The following OMA1 variants were observed in gnomAD, a reference collection of about 807,000 sequenced individuals.
OMA1 encodes the protein OMA1 zinc metallopeptidase, also known as metalloendopeptidase OMA1, mitochondrial.
A neutral mutation model predicts 30.9 loss-of-function variants in OMA1; 38 were observed. The observed-to-expected ratio is 1.23, with a 90% CI of 0.95 to 1.61. The LOEUF (loss-of-function observed/expected upper bound fraction) is 1.61, where lower values mean the gene tolerates loss of function less well. Ranked by LOEUF, OMA1 falls within the 40% of genes most tolerant of loss-of-function variation. OMA1 has a pLI of 0.00. For synonymous variants in OMA1, 173 were observed against 121.9 expected (o/e 1.42, Z -2.76); for missense variants, 461 against 349.2 (o/e 1.32, Z -2.55).
At chr1:58,522,082 C>CA (rs1367843032) in intron 7 of OMA1, among the ~76,000 whole-genome samples, 5 of 152,046 alleles carry the variant, frequency 3.3e-5, no homozygotes, top group African/African-American at 1.2e-4. Context: ...CCCAAAAATG[C>CA]AACTTAACTT....
chr1:58,532,644 C>G (rs901564819), intron 5 of OMA1, among the ~76,000 whole-genome samples: 2 of 152,170 alleles, frequency 1.3e-5, no homozygotes, highest in African/African-American at 4.8e-5. Flanking sequence ...CCTCCTGCCT[C>G]AGGCTCCAGA....
At chr1:58,493,288 T>G (rs553570607) in intron 8 of OMA1, among the ~76,000 whole-genome samples, 199 of 152,338 alleles carry the variant, frequency 1.3e-3, no homozygotes, top group Non-Finnish European at 2.3e-3. Context: ...GAGCTATTTA[T>G]GACAAACTCA....
At chr1:58,518,234 AG>A in intron 7 of OMA1, among the ~76,000 whole-genome samples, 1 of 4,692 alleles carries the variant, frequency 2.1e-4, no homozygotes, top group Non-Finnish European at 5.4e-4. Flanking sequence ...GGGAGAGGGG[AG>A]AGGGGAGAGG....
At position 58,541,326 on chromosome 1, in the gene OMA1, A is replaced by G. The variant is rs1425841898; in HGVS notation, c.-16-2016T>C. Among the ~76,000 whole-genome samples the G allele has an allele frequency of 5.9e-4, 79 of 133,356 alleles. No individual in the cohort carries two copies. In the East Asian group the frequency reaches 0.014, roughly 24 times the overall value. 87.5% of individuals were successfully genotyped at this position (133,356 alleles called of 152,430 possible). A position where few individuals can be genotyped will look rare whatever the true frequency, so the allele number is the denominator to read the frequency against. On this transcript the variant is annotated intron_variant, in intron 1 of 8. Coordinates refer to ENST00000371226, the MANE Select transcript of OMA1 (RefSeq NM_145243.5). ...AAAAAAAAAAAAAAAAAAAAAAAAAAAAAAAAACAGGAAAAACACAAGAAA... is the reference window on the plus strand; with the variant it reads ...AAAAAAAAAAAAAAAAAAAAAAAAAGAAAAAAACAGGAAAAACACAAGAAA...
At chr1:58,541,293 C>CAAAAAAAAAAA (rs71043292) in intron 1 of OMA1, among the ~76,000 whole-genome samples, 8 of 27,572 alleles carry the variant, frequency 2.9e-4, no homozygotes, top group East Asian at 3.8e-3. Flanking sequence ...GACTCTGTCT[C>CAAAAAAAAAAA]AAAAAAAAAA....
At chr1:58,524,389 A>G (rs1428348792) in intron 7 of OMA1, among the ~76,000 whole-genome samples, 1 of 152,238 alleles carries the variant, frequency 6.6e-6, no homozygotes, top group Non-Finnish European at 1.5e-5. Flanking sequence ...CTTCGCTGGC[A>G]TTAAATTCTC....
In OMA1 at chr1:58,480,844, T is replaced by C. The variant is rs1569858395; in HGVS notation, c.*121A>G. 3.1e-6 allele frequency: 2 copies of C among 638,212 alleles called. No individual in the cohort carries two copies. The highest frequency in any genetic ancestry group is 5.3e-6 in the Non-Finnish European group (2 of 379,660). The allele number at this position is 638,212 out of a possible 1,614,324, so 39.5% of individuals were successfully genotyped here. ...AAGAATTTAGATAATATCTGTAATG[T>C]ACATGATTTGACCCTGAATATCCTT... On this transcript the variant is annotated 3_prime_UTR_variant, in exon 9 of 9. Transcript: ENST00000371226.
intron 8 of OMA1, among the ~76,000 whole-genome samples, chr1:58,499,970 A>G (rs548379940): frequency 1.3e-5 from 2 of 152,284 alleles, no homozygotes; most frequent in East Asian, 1.9e-4. Flanking sequence ...AAAAGAAGAA[A>G]AAAATGGACA....
At chr1:58,526,049 A>T (rs927946710) in intron 7 of OMA1, among the ~76,000 whole-genome samples, 2 of 152,156 alleles carry the variant, frequency 1.3e-5, no homozygotes, top group African/African-American at 4.8e-5. Flanking sequence ...TTTTAAAAAT[A>T]GTAAAGTTTA....
At chr1:58,539,424 A>C in intron 1 of OMA1, 114 bp from the exon 2 acceptor site, 1 of 623,080 alleles carries the variant, frequency 1.6e-6, no homozygotes, top group Non-Finnish European at 2.8e-6. Context: ...TCTCAGGCTA[A>C]ATTACCTTGG....
chr1:58,513,847 A>G (rs1272316988), intron 7 of OMA1, among the ~76,000 whole-genome samples: 1 of 152,216 alleles, frequency 6.6e-6, no homozygotes, highest in Non-Finnish European at 1.5e-5. Context: ...GAAGAAACCA[A>G]GATCCATGGT....
chr1:58,511,561 C>G (rs1000552135), intron 7 of OMA1, among the ~76,000 whole-genome samples: 6 of 151,872 alleles, frequency 4.0e-5, no homozygotes, highest in Non-Finnish European at 5.9e-5. Context: ...CCTGGGAAGT[C>G]GAGGCTAGAG....
intron 8 of OMA1, among the ~76,000 whole-genome samples, chr1:58,505,470 AGAG>A (rs1645973318): frequency 6.6e-6 from 1 of 152,178 alleles, no homozygotes; most frequent in Admixed American, 6.5e-5. Context: ...AAAGATTTTC[AGAG>A]GATACTGAAA....
chr1:58,483,663 C>T (rs1413532474), intron 8 of OMA1, among the ~76,000 whole-genome samples: 2 of 152,122 alleles, frequency 1.3e-5, no homozygotes, highest in Non-Finnish European at 2.9e-5. Context: ...GCACTTACAG[C>T]ACTTAAGTAA....
chr1:58,507,941 A>T (rs1286291414), intron 7 of OMA1, among the ~76,000 whole-genome samples: 1 of 152,208 alleles, frequency 6.6e-6, no homozygotes, highest in African/African-American at 2.4e-5. Flanking sequence ...AATGGACTAC[A>T]AATTCACGAA....
chr1:58,511,776 G>C (rs1646081051), intron 7 of OMA1, among the ~76,000 whole-genome samples: 1 of 151,952 alleles, frequency 6.6e-6, no homozygotes, highest in African/African-American at 2.4e-5. Flanking sequence ...AACTAAAAAT[G>C]GATTAAAGAT....
At chr1:58,543,879 A>C (rs1363913788) in intron 1 of OMA1, among the ~76,000 whole-genome samples, 1 of 152,218 alleles carries the variant, frequency 6.6e-6, no homozygotes, top group African/African-American at 2.4e-5. Context: ...CTGTCCAATA[A>C]GGTAGCCCCT....
In OMA1 at chr1:58,536,613, T is replaced by C. The variant is rs1191119806; in HGVS notation, c.629A>G (p.Tyr210Cys). ...SSFGLLFVVF[Y>C]FTHLEVSPIT... ...TGGACTTACTTCCAGGTGAGTAAAA[T>C]AAAACACCACAAAGAGCAATCCAAA... The change falls in exon 3 of 9, where the codon TAT becomes TGT. Residue 210 changes from tyrosine (Y) to cysteine (C), a missense_variant. Tyr to Cys is a radical substitution (Grantham distance 194, BLOSUM62 -2). Transcript: ENST00000371226. 1.1e-6 allele frequency: 1 copy of C among 872,816 alleles called. No homozygotes were observed. The highest frequency in any genetic ancestry group is 2.0e-6 in the Non-Finnish European group (1 of 501,614). The allele number at this position is 872,816 out of a possible 1,614,324, so 54.1% of individuals were successfully genotyped here. A position where few individuals can be genotyped will look rare whatever the true frequency, so the allele number is the denominator to read the frequency against.
At chr1:58,508,176 C>T (rs1646019093) in intron 7 of OMA1, among the ~76,000 whole-genome samples, 1 of 152,068 alleles carries the variant, frequency 6.6e-6, no homozygotes, top group African/African-American at 2.4e-5. Context: ...TAAAAGGGGA[C>T]TTGAGATATC....
Sources: allele counts gnomAD v4.1 joint callset (sites outside exome capture counted in the v4.1 genomes callset), GRCh38; gene constraint gnomAD v4.1.1; transcripts MANE v1.5; gene names NCBI Gene and HGNC (gene_info 2026-07-23, HGNC 2026-07-21).